Variants in MIPOL1 observed in about 807,000 individuals in gnomAD.
MIPOL1 encodes mirror-image polydactyly 1.
Under a neutral mutation model 60.9 loss-of-function variants are expected in MIPOL1, and 57 were observed. The observed-to-expected ratio is 0.94, with a 90% CI of 0.76 to 1.17. MIPOL1 has a LOEUF of 1.17. Ranked by LOEUF, MIPOL1 falls within the 50% of genes most tolerant of loss-of-function variation. MIPOL1 has a pLI of 0.00. For missense variants in MIPOL1, 551 were observed against 511.6 expected (o/e 1.08, Z -0.74); for synonymous variants, 179 against 168.8 (o/e 1.06, Z -0.47).
At chr14:37,388,694 T>C (rs1329018776) in intron 10 of MIPOL1, among the ~76,000 whole-genome samples, 2 of 152,066 alleles carry the variant, frequency 1.3e-5, no homozygotes, top group Non-Finnish European at 2.9e-5. Context: ...TTTTTGTCAC[T>C]ATAAATTCAC....
At chr14:37,302,792 C>T (rs2086425948) in intron 7 of MIPOL1, among the ~76,000 whole-genome samples, 1 of 151,538 alleles carries the variant, frequency 6.6e-6, no homozygotes, top group Non-Finnish European at 1.5e-5. Flanking sequence ...TTTCATTAAC[C>T]TATATGTTAA....
rs117837522 is a variant in MIPOL1, at chr14:37,538,626, G to T, written c.1263-8279G>T. On this transcript the variant is annotated intron_variant, in intron 12 of 12. Transcript: ENST00000684589. ...GGCCACAAATTTTTTTCAGCTGCTC[G>T]TGCTCCACCCTTTGAATCTGGGCTG... Among the ~76,000 whole-genome samples, 675 of 152,180 alleles carry T rather than the reference G, an allele frequency of 4.4e-3. 7 individuals are homozygous for T. The highest frequency in any genetic ancestry group is 0.01 in the East Asian group (53 of 5,166).
chr14:37,385,051 C>T (rs900633347), intron 10 of MIPOL1, among the ~76,000 whole-genome samples: 3 of 151,964 alleles, frequency 2.0e-5, no homozygotes, highest in Admixed American at 1.3e-4. Context: ...CTGAGTTGTA[C>T]GTTAAACTTT....
At chr14:37,429,641 A>G (rs2094024693) in intron 11 of MIPOL1, among the ~76,000 whole-genome samples, 1 of 152,156 alleles carries the variant, frequency 6.6e-6, no homozygotes, top group Non-Finnish European at 1.5e-5. Flanking sequence ...TTTAAAAGTC[A>G]TAGAAACCAT....
At chr14:37,513,072 G>A (rs2095341367) in intron 12 of MIPOL1, among the ~76,000 whole-genome samples, 1 of 152,094 alleles carries the variant, frequency 6.6e-6, no homozygotes, top group Non-Finnish European at 1.5e-5. Flanking sequence ...ATATATGGAA[G>A]ATGGACTCAG....
intron 12 of MIPOL1, among the ~76,000 whole-genome samples, chr14:37,516,698 A>G (rs2095371681): frequency 6.6e-6 from 1 of 152,158 alleles, no homozygotes; most frequent in East Asian, 1.9e-4. Flanking sequence ...AATGTACAGC[A>G]ATTGCTTATG....
At chr14:37,413,500 A>T (rs1054524920) in intron 10 of MIPOL1, among the ~76,000 whole-genome samples, 1 of 152,164 alleles carries the variant, frequency 6.6e-6, no homozygotes, top group Non-Finnish European at 1.5e-5. Context: ...ACTTAAAAGG[A>T]TACTTGTGAC....
chr14:37,239,236 G>A (rs982808870), intron 1 of MIPOL1, among the ~76,000 whole-genome samples: 1 of 151,512 alleles, frequency 6.6e-6, no homozygotes, highest in African/African-American at 2.4e-5. Flanking sequence ...TAGTAGAGAC[G>A]GAGTTTCACC....
chr14:37,326,409 AC>A (rs1007655594), intron 9 of MIPOL1, among the ~76,000 whole-genome samples: 1 of 152,186 alleles, frequency 6.6e-6, no homozygotes, highest in Admixed American at 6.5e-5. Context: ...AAGTTCACAG[AC>A]AGTTTTTTTT....
At chr14:37,476,438 C>G (rs1199446907) in intron 11 of MIPOL1, among the ~76,000 whole-genome samples, 1 of 151,994 alleles carries the variant, frequency 6.6e-6, no homozygotes, top group East Asian at 1.9e-4. Context: ...CTTTTCTTGT[C>G]TTACTGCATT....
At chr14:37,430,552 A>T (rs1357935757) in intron 11 of MIPOL1, among the ~76,000 whole-genome samples, 1 of 150,780 alleles carries the variant, frequency 6.6e-6, no homozygotes, top group Non-Finnish European at 1.5e-5. Context: ...AGTGATTTGG[A>T]CTATATTTAT....
At chr14:37,422,973 T>A in intron 11 of MIPOL1, 24 bp downstream of exon 11, 1 of 1,422,042 alleles carries the variant, frequency 7.0e-7, no homozygotes, top group Non-Finnish European at 9.8e-7. Context: ...TAGCCTGGGG[T>A]TAAGTAAATA....
chr14:37,514,777 A>G (rs2095356360), intron 12 of MIPOL1, among the ~76,000 whole-genome samples: 1 of 152,076 alleles, frequency 6.6e-6, no homozygotes, highest in African/African-American at 2.4e-5. Flanking sequence ...ATGTGCTACC[A>G]TGCCTGGCTA....
At chr14:37,297,890 T>G (rs1027764621) in intron 7 of MIPOL1, among the ~76,000 whole-genome samples, 8 of 152,024 alleles carry the variant, frequency 5.3e-5, no homozygotes, top group Admixed American at 2.0e-4. Flanking sequence ...CCAAGGTAAT[T>G]TATAGATTTA....
At position 37,548,804 on chromosome 14, in the gene MIPOL1, A is replaced by G. The variant is rs2095554598; in HGVS notation, c.*1833A>G. On this transcript the variant is annotated 3_prime_UTR_variant, in exon 13 of 13. Coordinates refer to ENST00000684589, the MANE Select transcript of MIPOL1 (RefSeq NM_001388067.1). ...AATACACAAAATATAGTATAAAGAC[A>G]TTTCACAATTTCCAAACAAATCTTT... 1 of 152,030 alleles carries G rather than the reference A, an allele frequency of 6.6e-6. No individual in the cohort carries two copies. Among genetic ancestry groups the G allele is most frequent in the Non-Finnish European group, 1.5e-5 (1 of 67,870 alleles). The allele number at this position is 152,030 out of a possible 1,614,324, so 9.4% of individuals were successfully genotyped here.
At chr14:37,300,160 C>G (rs2086243910) in intron 7 of MIPOL1, among the ~76,000 whole-genome samples, 1 of 151,140 alleles carries the variant, frequency 6.6e-6, no homozygotes, top group Admixed American at 6.6e-5. Flanking sequence ...AAGTTACTTA[C>G]CTCCATTCCT....
At chr14:37,447,040 A>C (rs984098777) in intron 11 of MIPOL1, among the ~76,000 whole-genome samples, 1 of 151,950 alleles carries the variant, frequency 6.6e-6, no homozygotes, top group Non-Finnish European at 1.5e-5. Context: ...TAACCTGCAC[A>C]TTGTGCACAT....
At chr14:37,362,521 C>G (rs761192506) in intron 9 of MIPOL1, among the ~76,000 whole-genome samples, 7 of 152,186 alleles carry the variant, frequency 4.6e-5, no homozygotes, top group Non-Finnish European at 8.8e-5. Context: ...CCTGACCTTT[C>G]TCTCTGGCTG....
chr14:37,276,572 A>T (rs1258732637), intron 6 of MIPOL1: 1 of 151,194 alleles, frequency 6.6e-6, no homozygotes, highest in African/African-American at 2.4e-5. Flanking sequence ...CATATCTCAG[A>T]TGATGTTGAC....
Sources: allele counts gnomAD v4.1 joint callset (sites outside exome capture counted in the v4.1 genomes callset), GRCh38; gene constraint gnomAD v4.1.1; transcripts MANE v1.5; gene names NCBI Gene and HGNC (gene_info 2026-07-23, HGNC 2026-07-21).